Variants in GPC5 observed in about 807,000 individuals in gnomAD.
GPC5 encodes glypican-5.
In GPC5, 47 loss-of-function variants were observed where a neutral mutation model predicts 53.9. The ratio of observed to expected loss-of-function variants is 0.87; its 90% CI spans 0.69 to 1.11. GPC5 has a LOEUF of 1.11. GPC5 is among the 50% of genes most tolerant of loss of function. The pLI is 0.00. For synonymous variants in GPC5, 286 were observed against 263.3 expected, an observed-to-expected ratio of 1.09 and a Z score of -0.84; for missense variants, 748 against 713.1, an observed-to-expected ratio of 1.05 and a Z score of -0.56.
chr13:91,491,901 C>T (rs1484244126), intron 2 of GPC5, among the ~76,000 whole-genome samples: 3 of 152,196 alleles, frequency 2.0e-5, no homozygotes, highest in African/African-American at 7.2e-5. Context: ...GTCACGCTCA[C>T]AGGTTCCTGA....
At chr13:91,410,567 C>T (rs9589217) in intron 1 of GPC5, among the ~76,000 whole-genome samples, 34,380 of 150,962 alleles carry the variant, frequency 0.23, 4,192 homozygotes, top group East Asian at 0.33. Context: ...AGGATGGTCT[C>T]GATCTCCTGA....
At chr13:92,149,848 T>G (rs1593933145) in intron 7 of GPC5, among the ~76,000 whole-genome samples, 1 of 151,996 alleles carries the variant, frequency 6.6e-6, no homozygotes, top group East Asian at 1.9e-4. Context: ...GCAGATACTA[T>G]TTTATAAAAT....
chr13:92,266,606 A>G (rs1236595688), intron 7 of GPC5, among the ~76,000 whole-genome samples: 1 of 152,092 alleles, frequency 6.6e-6, no homozygotes, highest in Non-Finnish European at 1.5e-5. Context: ...GAAGCTATGT[A>G]TATTATCTCC....
chr13:92,349,191 T>A (rs1316688487), intron 7 of GPC5, among the ~76,000 whole-genome samples: 1 of 152,196 alleles, frequency 6.6e-6, no homozygotes, highest in Non-Finnish European at 1.5e-5. Context: ...TTGCCCAGGC[T>A]GGAGTGCGAT....
chr13:92,304,640 G>T lies in GPC5; in HGVS notation c.1561+159651G>T, dbSNP rs570602381. On this transcript the variant is annotated intron_variant, in intron 7 of 7. Transcript: ENST00000377067. ...CCCCTATGAATACATTATTTGAGTG[G>T]CTAGTGGAATTATTTCAAATGCTTT... Among the ~76,000 whole-genome samples the T allele has an allele frequency of 1.1e-3, 168 of 152,002 alleles. 1 individual carries two copies. The highest frequency in any genetic ancestry group is 1.8e-3 in the Admixed American group (28 of 15,262).
At chr13:92,477,070 TAAATAAATA>T (rs1314211125) in intron 7 of GPC5, among the ~76,000 whole-genome samples, 1 of 150,686 alleles carries the variant, frequency 6.6e-6, no homozygotes, top group African/African-American at 2.5e-5. Context: ...AATAAATAAA[TAAATAAATA>T]AAAAGAAAAT....
At chr13:91,495,884 G>A (rs912909843) in intron 2 of GPC5, among the ~76,000 whole-genome samples, 2 of 152,052 alleles carry the variant, frequency 1.3e-5, no homozygotes, top group Non-Finnish European at 2.9e-5. Flanking sequence ...TTAGCTGGGC[G>A]TGGTGGCGGG....
At chr13:92,560,010 C>T (rs1375487510) in intron 7 of GPC5, among the ~76,000 whole-genome samples, 9 of 151,414 alleles carry the variant, frequency 5.9e-5, no homozygotes, top group African/African-American at 1.9e-4. Flanking sequence ...TCCCTTTTTC[C>T]ACAGGGTATC....
intron 7 of GPC5, among the ~76,000 whole-genome samples, chr13:92,726,377 T>A (rs757270683): frequency 4.0e-5 from 6 of 151,538 alleles, no homozygotes; most frequent in Admixed American, 6.6e-5. Context: ...TGTACTATTT[T>A]TTTGTGTTTG....
chr13:92,535,730 A>C (rs551282053), intron 7 of GPC5, among the ~76,000 whole-genome samples: 1 of 152,060 alleles, frequency 6.6e-6, no homozygotes, highest in African/African-American at 2.4e-5. Flanking sequence ...CTCTTTGCCA[A>C]TAACTTACTT....
intron 2 of GPC5, among the ~76,000 whole-genome samples, chr13:91,564,940 G>C (rs1566508924): frequency 6.6e-6 from 1 of 151,064 alleles, no homozygotes; most frequent in Admixed American, 6.6e-5. Flanking sequence ...GACTTTTCTA[G>C]GTCATGGTTA....
intron 7 of GPC5, among the ~76,000 whole-genome samples, chr13:92,803,699 A>G (rs1019334629): frequency 6.6e-6 from 1 of 151,852 alleles, no homozygotes; most frequent in African/African-American, 2.4e-5. Flanking sequence ...GATTATGTTC[A>G]CTTACTTTCA....
At chr13:91,454,230 A>T (rs1881383823) in intron 2 of GPC5, among the ~76,000 whole-genome samples, 1 of 152,136 alleles carries the variant, frequency 6.6e-6, no homozygotes, top group African/African-American at 2.4e-5. Context: ...AAAAGTTGCA[A>T]GAGCTTAAAT....
intron 2 of GPC5, among the ~76,000 whole-genome samples, chr13:91,570,682 A>C (rs1461304561): frequency 6.6e-6 from 1 of 152,148 alleles, no homozygotes; most frequent in African/African-American, 2.4e-5. Flanking sequence ...CTCAGAATCC[A>C]AGTGTTTAAA....
At chr13:91,780,279 CCTT>C (rs2037778214) in intron 5 of GPC5, among the ~76,000 whole-genome samples, 1 of 152,156 alleles carries the variant, frequency 6.6e-6, no homozygotes, top group Admixed American at 6.6e-5. Flanking sequence ...TGAGCTTTCT[CCTT>C]CTCTTTGTCA....
intron 5 of GPC5, among the ~76,000 whole-genome samples, chr13:91,826,465 T>C (rs535145838): frequency 6.6e-6 from 1 of 152,122 alleles, no homozygotes; most frequent in African/African-American, 2.4e-5. Context: ...AAGAGGTCAA[T>C]TCTCCCCTAA....
chr13:92,638,290 T>A (rs1402200497), intron 7 of GPC5, among the ~76,000 whole-genome samples: 1 of 152,152 alleles, frequency 6.6e-6, no homozygotes, highest in Non-Finnish European at 1.5e-5. Flanking sequence ...TTGAGACAAG[T>A]CTACATAAAA....
chr13:92,399,381 C>T (rs1261485719), intron 7 of GPC5, among the ~76,000 whole-genome samples: 1 of 152,076 alleles, frequency 6.6e-6, no homozygotes, highest in East Asian at 1.9e-4. Context: ...TATAGATTAT[C>T]CTGGATAGTC....
intron 7 of GPC5, among the ~76,000 whole-genome samples, chr13:92,707,920 A>G (rs1263068689): frequency 1.3e-5 from 2 of 152,156 alleles, no homozygotes; most frequent in Non-Finnish European, 2.9e-5. Flanking sequence ...AATGACAATC[A>G]GATCCCAGAT....
Sources: allele counts gnomAD v4.1 joint callset (sites outside exome capture counted in the v4.1 genomes callset), GRCh38; gene constraint gnomAD v4.1.1; transcripts MANE v1.5; gene names NCBI Gene and HGNC (gene_info 2026-07-23, HGNC 2026-07-21).